Variants in SP140L observed in about 807,000 individuals in gnomAD.
SP140L encodes SP140 like nuclear body protein.
SP140L carries 64 observed loss-of-function variants against 84.3 expected under a neutral mutation model. That is an observed-to-expected ratio of 0.76 (90% CI 0.62 to 0.94). The LOEUF (loss-of-function observed/expected upper bound fraction) is 0.94. Among genes scored for constraint, SP140L ranks in the 40% least tolerant of loss-of-function variants. The probability of loss-of-function intolerance (pLI) is 0.00; values close to 1 mark genes in which losing one functional copy is unlikely to be tolerated. For synonymous variants in SP140L, 242 were observed against 236.9 expected (o/e 1.02, Z -0.20); for missense variants, 628 against 692.5 (o/e 0.91, Z 1.05).
chr2:230,330,127 C>T (rs1321333904), intron 2 of SP140L, among the ~76,000 whole-genome samples: 7 of 152,122 alleles, frequency 4.6e-5, no homozygotes, highest in Non-Finnish European at 1.0e-4. Context: ...CCTAAATATC[C>T]CATTTGCTCT....
chr2:230,387,838 AC>A (rs567898960), intron 9 of SP140L, among the ~76,000 whole-genome samples: 56 of 152,294 alleles, frequency 3.7e-4, no homozygotes, highest in Non-Finnish European at 7.1e-4. Context: ...TCTCAATTCT[AC>A]CCATTCCTCA....
chr2:230,341,885 C>T (rs1201266565), intron 2 of SP140L, among the ~76,000 whole-genome samples: 1 of 152,014 alleles, frequency 6.6e-6, no homozygotes, highest in East Asian at 1.9e-4. Flanking sequence ...AGAACCACTG[C>T]TCTCTTCAAA....
intron 2 of SP140L, among the ~76,000 whole-genome samples, chr2:230,344,091 C>T (rs981630192): frequency 6.6e-6 from 1 of 152,026 alleles, no homozygotes; most frequent in East Asian, 1.9e-4. Flanking sequence ...TTTTCTGACT[C>T]GATGATGTGT....
chr2:230,370,176 A>G (rs2061017473), intron 5 of SP140L, among the ~76,000 whole-genome samples: 1 of 152,238 alleles, frequency 6.6e-6, no homozygotes, highest in African/African-American at 2.4e-5. Flanking sequence ...ATAAAAGTAA[A>G]GAAAAGGAGA....
chr2:230,331,109 C>T (rs2059713702), intron 2 of SP140L, among the ~76,000 whole-genome samples: 1 of 151,892 alleles, frequency 6.6e-6, no homozygotes, highest in Non-Finnish European at 1.5e-5. Context: ...CAAGTGCTTC[C>T]TTTAAGTGAA....
chr2:230,389,563 T>G (rs2061719121), intron 10 of SP140L, among the ~76,000 whole-genome samples: 2 of 152,148 alleles, frequency 1.3e-5, no homozygotes. Flanking sequence ...GCTACCTAAC[T>G]GCAGCAAAAC....
At chr2:230,327,377 G>A in intron 1 of SP140L, 76 bp downstream of exon 1, 2 of 1,530,862 alleles carry the variant, frequency 1.3e-6, no homozygotes, top group Non-Finnish European at 1.8e-6. Context: ...TTCAGTTTCT[G>A]TCTAAAGCTT....
At position 230,392,832 on chromosome 2, in the gene SP140L, C is replaced by T. The variant is rs367599879; in HGVS notation, c.1108-582C>T. Among the ~76,000 whole-genome samples the T allele has an allele frequency of 4.9e-4, 74 of 152,284 alleles. 1 individual carries two copies. The South Asian group carries it at 0.012, about 26-fold the overall frequency. ...CTTCACTGTCTCCCCTGCTAGCAAACCTATACTCAGTCTAGAATGCTTAGC... is the reference window on the plus strand; with the variant it reads ...CTTCACTGTCTCCCCTGCTAGCAAATCTATACTCAGTCTAGAATGCTTAGC... On this transcript the variant is annotated intron_variant, in intron 12 of 18. Coordinates refer to ENST00000415673, the MANE Select transcript of SP140L (RefSeq NM_138402.6).
At chr2:230,370,526 T>A (rs1472199012) in intron 5 of SP140L, among the ~76,000 whole-genome samples, 1 of 152,166 alleles carries the variant, frequency 6.6e-6, no homozygotes, top group Admixed American at 6.5e-5. Flanking sequence ...TAAAATAACT[T>A]TTTTGTTTCT....
intron 2 of SP140L, among the ~76,000 whole-genome samples, chr2:230,329,732 C>T (rs919513875): frequency 2.0e-5 from 3 of 152,158 alleles, no homozygotes; most frequent in African/African-American, 7.2e-5. Context: ...GAACTGTGTG[C>T]CAATTAAACC....
intron 5 of SP140L, among the ~76,000 whole-genome samples, chr2:230,370,125 T>C (rs1277430686): frequency 1.3e-5 from 2 of 152,238 alleles, no homozygotes; most frequent in East Asian, 3.8e-4. Context: ...TAAGAGCTTT[T>C]TAATTTTTTC....
chr2:230,363,544 G>T (rs1446102249), intron 5 of SP140L, among the ~76,000 whole-genome samples: 1 of 149,104 alleles, frequency 6.7e-6, no homozygotes, highest in Non-Finnish European at 1.5e-5. Flanking sequence ...GTATGGAGTT[G>T]GTTGAGTTCC....
At chr2:230,377,720 A>G (rs541565318) in intron 7 of SP140L, among the ~76,000 whole-genome samples, 1 of 152,196 alleles carries the variant, frequency 6.6e-6, no homozygotes, top group African/African-American at 2.4e-5. Context: ...TTCTGCCAAA[A>G]TGTTTTTCAA....
chr2:230,389,316 A>G (rs2061707438), intron 10 of SP140L, among the ~76,000 whole-genome samples: 1 of 152,124 alleles, frequency 6.6e-6, no homozygotes, highest in African/African-American at 2.4e-5. Flanking sequence ...CTTCTGTAGT[A>G]TCCGGTTCTC....
intron 7 of SP140L, among the ~76,000 whole-genome samples, chr2:230,381,944 A>G (rs1335066026): frequency 6.6e-6 from 1 of 152,172 alleles, no homozygotes; most frequent in African/African-American, 2.4e-5. Flanking sequence ...AGCTTCCCTG[A>G]GTGGGATGTA....
intron 7 of SP140L, among the ~76,000 whole-genome samples, chr2:230,378,281 A>G (rs1262007597): frequency 1.3e-5 from 2 of 152,114 alleles, no homozygotes; most frequent in Non-Finnish European, 2.9e-5. Flanking sequence ...TGTTTTGGCT[A>G]TTTCAGACCC....
At chr2:230,337,453 A>G (rs1159031564) in intron 2 of SP140L, among the ~76,000 whole-genome samples, 1 of 151,482 alleles carries the variant, frequency 6.6e-6, no homozygotes, top group African/African-American at 2.4e-5. Flanking sequence ...TTGCCTGTTC[A>G]CTCTGATGGT....
At chr2:230,360,285 GA>G (rs1391793473) in intron 4 of SP140L, among the ~76,000 whole-genome samples, 1 of 152,186 alleles carries the variant, frequency 6.6e-6, no homozygotes, top group Non-Finnish European at 1.5e-5. Flanking sequence ...TGACTTAAGA[GA>G]GATCAATTGG....
At chr2:230,367,295 C>CTTTTTTTTTTTTT (rs200306286) in intron 5 of SP140L, among the ~76,000 whole-genome samples, 11 of 118,050 alleles carry the variant, frequency 9.3e-5, no homozygotes, top group South Asian at 2.7e-4. Flanking sequence ...TCTTTTTTTT[C>CTTTTTTTTTTTTT]TTTTTTTTTT....
Sources: allele counts gnomAD v4.1 joint callset (sites outside exome capture counted in the v4.1 genomes callset), GRCh38; gene constraint gnomAD v4.1.1; transcripts MANE v1.5; gene names NCBI Gene and HGNC (gene_info 2026-07-23, HGNC 2026-07-21).